NCBP1: variants seen among roughly 807,000 people sequenced by gnomAD.
NCBP1 encodes the protein nuclear cap binding protein subunit 1.
Under a neutral mutation model 111.7 loss-of-function variants are expected in NCBP1, and 16 were observed. The observed-to-expected ratio is 0.14, with a 90% CI of 0.10 to 0.22. The LOEUF is 0.22. Ranked by LOEUF, NCBP1 falls within the 10% of genes least tolerant of loss-of-function variation. The probability of loss-of-function intolerance (pLI) is 1.00; values close to 1 mark genes in which losing one functional copy is unlikely to be tolerated. For missense variants in NCBP1, 607 were observed against 957.5 expected (o/e 0.63, Z 4.83); for synonymous variants, 304 against 314.3 (o/e 0.97, Z 0.35).
intron 1 of NCBP1, 118 bp downstream of exon 1, chr9:97,634,033 G>A (rs1826915482): frequency 2.4e-6 from 3 of 1,269,534 alleles, no homozygotes; most frequent in Admixed American, 5.8e-5. Context: ...GCGGGGAGCC[G>A]CGGAGGGAAA....
chr9:97,665,772 C>T (rs1827982217), intron 19 of NCBP1, among the ~76,000 whole-genome samples: 1 of 148,898 alleles, frequency 6.7e-6, no homozygotes, highest in African/African-American at 2.5e-5. Context: ...CCACCCCACA[C>T]AGTCAAAAAT....
intron 22 of NCBP1, among the ~76,000 whole-genome samples, chr9:97,670,465 G>T (rs952968362): frequency 5.3e-5 from 8 of 152,132 alleles, no homozygotes; most frequent in African/African-American, 1.2e-4. Context: ...CTAATTCATT[G>T]TATCTTCGGA....
chr9:97,663,303 C>T (rs1216775768), intron 18 of NCBP1, among the ~76,000 whole-genome samples: 1 of 152,120 alleles, frequency 6.6e-6, no homozygotes, highest in Non-Finnish European at 1.5e-5. Context: ...TTTATCTAGT[C>T]TATCCAGTTT....
intron 10 of NCBP1, among the ~76,000 whole-genome samples, chr9:97,653,119 C>CTTTTTTTTTTTTTTTTTTTT (rs57742118): frequency 8.1e-6 from 1 of 123,580 alleles, no homozygotes; most frequent in Admixed American, 8.5e-5. Context: ...TAAAAGAATT[C>CTTTTTTTTTTTTTTTTTTTT]TTTTTTTTTT....
In NCBP1 at chr9:97,652,165, G is replaced by A. The variant is rs565153713; in HGVS notation, c.1059+792G>A. ...ACTACAGGTGCACACCACCACGCCC[G>A]GCTAATTTTTGTATTTTTAGTAGAG... On this transcript the variant is annotated intron_variant, in intron 10 of 22. Coordinates refer to ENST00000375147, the MANE Select transcript of NCBP1 (RefSeq NM_002486.5). Among the ~76,000 whole-genome samples the A allele has an allele frequency of 1.6e-4, 25 of 152,238 alleles. No homozygotes were observed. In the South Asian group the frequency reaches 4.1e-3, roughly 25 times the overall value.
intron 6 of NCBP1, 46 bp from the exon 7 acceptor site, chr9:97,647,446 T>G: frequency 6.9e-7 from 1 of 1,450,820 alleles, no homozygotes; most frequent in African/African-American, 1.4e-5. Flanking sequence ...ACTGAGCATC[T>G]CTTGTTTTTA....
Position 97,633,905 on chromosome 9 carries a change from C to T in NCBP1, c.24C>T (p.Asp8=). Residue 8 remains aspartate, a synonymous_variant, in exon 1 of 23, where the codon GAC becomes GAT. Coordinates refer to ENST00000375147, the MANE Select transcript of NCBP1 (RefSeq NM_002486.5). ...GCATGTCGCGGCGGCGGCACAGCGA[C>T]GAGAACGACGGTGAGTGCCTGCGGC... MSRRRHS[D]ENDGGQPHKR... is the part of the protein sequence containing the mutation. The T allele has an allele frequency of 6.3e-7, 1 of 1,589,540 alleles. No individual in the cohort carries two copies. Among genetic ancestry groups the T allele is most frequent in the South Asian group, 1.1e-5 (1 of 88,976 alleles).
chr9:97,655,329 G>A (rs759735901), intron 12 of NCBP1, among the ~76,000 whole-genome samples: 3 of 152,094 alleles, frequency 2.0e-5, no homozygotes, highest in Admixed American at 6.5e-5. Context: ...TCCTGCCTTA[G>A]TCTCCATCCC....
chr9:97,665,916 TAA>T (rs1478111532), intron 19 of NCBP1, among the ~76,000 whole-genome samples: 8 of 152,160 alleles, frequency 5.3e-5, no homozygotes, highest in Non-Finnish European at 7.3e-5. Context: ...CAATAAATCA[TAA>T]GAGAGGAAAC....
intron 8 of NCBP1, among the ~76,000 whole-genome samples, chr9:97,648,899 G>T (rs767600752): frequency 2.0e-5 from 3 of 151,946 alleles, no homozygotes; most frequent in Non-Finnish European, 4.4e-5. Context: ...TTGAGATTTC[G>T]CCATGTTGCC....
chr9:97,662,499 G>A (rs930562875), intron 17 of NCBP1, among the ~76,000 whole-genome samples: 4 of 152,160 alleles, frequency 2.6e-5, no homozygotes, highest in Non-Finnish European at 4.4e-5. Flanking sequence ...TGGGAGTCAC[G>A]CAAAGGTTGG....
chr9:97,641,876 C>A (rs138905040), intron 3 of NCBP1, among the ~76,000 whole-genome samples: 3 of 152,224 alleles, frequency 2.0e-5, no homozygotes, highest in East Asian at 1.9e-4. Flanking sequence ...TATGTTCTTA[C>A]AACCTTAGAA....
chr9:97,645,286 TTCCATATAGTACCAG>T (rs1298621608), intron 5 of NCBP1, 62 bp downstream of exon 5: 6 of 1,275,098 alleles, frequency 4.7e-6, no homozygotes, highest in African/African-American at 3.0e-5. Context: ...ATCCTGGTAC[TTCCATATAGTACCAG>T]GAATTTTTCG....
intron 4 of NCBP1, among the ~76,000 whole-genome samples, chr9:97,644,283 C>G (rs552346438): frequency 2.0e-5 from 3 of 152,160 alleles, no homozygotes; most frequent in African/African-American, 7.2e-5. Context: ...GTCTGTTTCT[C>G]TATTCTTGTC....
At chr9:97,640,686 T>C in intron 1 of NCBP1, 108 bp from the exon 2 acceptor site, 1 of 842,646 alleles carries the variant, frequency 1.2e-6, no homozygotes, top group Non-Finnish European at 1.8e-6. Flanking sequence ...TTCTACTCTG[T>C]AAAAACATAG....
intron 10 of NCBP1, among the ~76,000 whole-genome samples, chr9:97,653,183 C>T (rs1218787125): frequency 4.1e-5 from 6 of 146,588 alleles, no homozygotes; most frequent in Admixed American, 3.5e-4. Flanking sequence ...TACAGTGACA[C>T]GACCTCAACT....
chr9:97,666,962 A>G, intron 20 of NCBP1, 85 bp downstream of exon 20: 1 of 1,047,438 alleles, frequency 9.5e-7, no homozygotes, highest in Non-Finnish European at 1.3e-6. Context: ...TCTTGATGAT[A>G]TTTCATTTTT....
chr9:97,643,864 C>G (rs1336086761), intron 4 of NCBP1, among the ~76,000 whole-genome samples: 1 of 152,106 alleles, frequency 6.6e-6, no homozygotes, highest in Non-Finnish European at 1.5e-5. Flanking sequence ...CTTAACTGAT[C>G]TTTTTGCATC....
intron 18 of NCBP1, among the ~76,000 whole-genome samples, 190 bp from the exon 19 acceptor site, chr9:97,664,150 G>A (rs997577475): frequency 3.3e-5 from 5 of 151,998 alleles, no homozygotes; most frequent in Admixed American, 1.3e-4. Context: ...CTCCACTCCC[G>A]CCTAGGTGAC....
Sources: gnomAD v4.1 joint callset for allele counts (sites outside exome capture counted in the v4.1 genomes callset) on GRCh38, gnomAD v4.1.1 for gene constraint, MANE v1.5 for transcripts, NCBI Gene and HGNC (gene_info 2026-07-23, HGNC 2026-07-21) for gene names.